The following ZNG1A variants were observed in gnomAD, a reference collection of about 807,000 sequenced individuals.
The protein encoded by ZNG1A is zinc-regulated GTPase metalloprotein activator 1A.
At chr9:143,396 A>G in the ZNG1A span, among the ~76,000 whole-genome samples, 1 of 141,408 alleles carries the variant, frequency 7.1e-6, no homozygotes, top group Non-Finnish European at 1.5e-5. Flanking sequence ...CAATATATGC[A>G]AATCAATACA....
the ZNG1A span, chr9:166,839 A>G: frequency 6.6e-6 from 1 of 152,154 alleles, no homozygotes; most frequent in Non-Finnish European, 1.5e-5. Context: ...ATGCAAAGGT[A>G]AAAGACAAAT....
At chr9:141,731 A>G in the ZNG1A span, among the ~76,000 whole-genome samples, 1 of 151,798 alleles carries the variant, frequency 6.6e-6, no homozygotes, top group East Asian at 2.0e-4. Context: ...GCTCCAATTA[A>G]AAGACACAGA....
At chr9:175,599 A>G in the ZNG1A span, 1 of 1,340,956 alleles carries the variant, frequency 7.5e-7, no homozygotes, top group Middle Eastern at 2.6e-4. Flanking sequence ...TCAATACAAT[A>G]CCTTGCATTT....
chr9:139,512 G>C, the ZNG1A span, among the ~76,000 whole-genome samples: 1 of 148,962 alleles, frequency 6.7e-6, no homozygotes, highest in African/African-American at 2.5e-5. Flanking sequence ...TAGATCTCAT[G>C]TTAGATGTTC....
At chr9:157,503 G>T in the ZNG1A span, among the ~76,000 whole-genome samples, 3 of 127,148 alleles carry the variant, frequency 2.4e-5, no homozygotes, top group East Asian at 2.1e-4. Context: ...TTAAATCCTT[G>T]AACCTAACTT....
At chr9:121,383 AAAGT>A in the ZNG1A span, 3 of 848,502 alleles carry the variant, frequency 3.5e-6, no homozygotes, top group Non-Finnish European at 5.9e-6. Context: ...ATTCGTAACT[AAAGT>A]AATAAATAAA....
chr9:148,873 T>C, the ZNG1A span: 6 of 148,504 alleles, frequency 4.0e-5, no homozygotes, highest in South Asian at 1.3e-3. Flanking sequence ...TAGGGATATT[T>C]TCCAGTGGTC....
the ZNG1A span, chr9:167,107 A>G: frequency 6.6e-6 from 1 of 151,900 alleles, no homozygotes; most frequent in South Asian, 2.1e-4. Flanking sequence ...ATTAAAAAAA[A>G]AAATTGCCTT....
chr9:155,006 A>C, the ZNG1A span, among the ~76,000 whole-genome samples: 2 of 152,154 alleles, frequency 1.3e-5, no homozygotes, highest in Non-Finnish European at 2.9e-5. Context: ...AATTGTGTTC[A>C]TTACTATGCA....
chr9:149,718 T>C, the ZNG1A span, among the ~76,000 whole-genome samples: 16 of 150,560 alleles, frequency 1.1e-4, no homozygotes, highest in African/African-American at 3.5e-4. Flanking sequence ...ATGAAATGCA[T>C]AGTAGGCAGT....
the ZNG1A span, among the ~76,000 whole-genome samples, chr9:124,787 G>A: frequency 5.8e-5 from 8 of 138,356 alleles, no homozygotes; most frequent in Admixed American, 2.9e-4. Flanking sequence ...TCCCACTTAT[G>A]AGTGAGAACA....
At chr9:149,175 G>A in the ZNG1A span, 1 of 151,636 alleles carries the variant, frequency 6.6e-6, no homozygotes, top group African/African-American at 2.4e-5. Context: ...CTATACCTCG[G>A]AGATTAGCCT....
At chr9:169,898 G>T in the ZNG1A span, among the ~76,000 whole-genome samples, 1 of 96,794 alleles carries the variant, frequency 1.0e-5, no homozygotes, top group Non-Finnish European at 1.9e-5. Context: ...GGGGTCTCAT[G>T]CTGTCATCCA....
chr9:140,556 G>C, the ZNG1A span, among the ~76,000 whole-genome samples: 361 of 151,932 alleles, frequency 2.4e-3, no homozygotes, highest in African/African-American at 8.4e-3. Flanking sequence ...AAACCACAAA[G>C]ATGGGGAAAA....
At chr9:147,451 T>C in the ZNG1A span, 26 of 114,750 alleles carry the variant, frequency 2.3e-4, 1 homozygote, top group African/African-American at 1.1e-3. Flanking sequence ...CTCAACAGTC[T>C]ATCACATACT....
chr9:172,136 T>A, the ZNG1A span: 15 of 1,611,184 alleles, frequency 9.3e-6, no homozygotes, highest in Admixed American at 1.7e-5. Context: ...TCCCCTTCTT[T>A]TGCATCAAAT....
chr9:128,961 C>T, the ZNG1A span, among the ~76,000 whole-genome samples: 12 of 151,828 alleles, frequency 7.9e-5, no homozygotes, highest in African/African-American at 2.9e-4. Context: ...TGGATCTAGC[C>T]ACCCAGCAAG....
At chr9:129,607 A>C in the ZNG1A span, among the ~76,000 whole-genome samples, 1 of 150,536 alleles carries the variant, frequency 6.6e-6, no homozygotes, top group African/African-American at 2.5e-5. Context: ...TCAGGTGTCT[A>C]AAACAGTGAA....
chr9:159,028 A>G, the ZNG1A span, among the ~76,000 whole-genome samples: 31 of 152,048 alleles, frequency 2.0e-4, no homozygotes, highest in African/African-American at 6.8e-4. Context: ...ACTTTCATTT[A>G]TAAAATAAAA....
Sources: gnomAD v4.1 joint callset for allele counts (sites outside exome capture counted in the v4.1 genomes callset) on GRCh38, gnomAD v4.1.1 for gene constraint, MANE v1.5 for transcripts, NCBI Gene and HGNC (gene_info 2026-07-23, HGNC 2026-07-21) for gene names.